The following RGS3 variants were observed in gnomAD, a reference collection of about 807,000 sequenced individuals.
RGS3 encodes the protein regulator of G-protein signalling 3.
RGS3 carries 80 observed loss-of-function variants against 132.6 expected under a neutral mutation model. That is an observed-to-expected ratio of 0.60 (90% CI 0.50 to 0.73). RGS3 has a LOEUF of 0.73. Ranked by LOEUF, RGS3 falls within the 30% of genes least tolerant of loss-of-function variation. RGS3 has a pLI of 0.00. For synonymous variants in RGS3, 598 were observed against 620.6 expected, an observed-to-expected ratio of 0.96 and a Z score of 0.54; for missense variants, 1,382 against 1,530.8, an observed-to-expected ratio of 0.90 and a Z score of 1.62.
At chr9:113,482,492 G>C (rs1830198120) in intron 4 of RGS3, among the ~76,000 whole-genome samples, 1 of 152,178 alleles carries the variant, frequency 6.6e-6, no homozygotes, top group Non-Finnish European at 1.5e-5. Context: ...TGTGACTCCT[G>C]TGCTGTGCTG....
chr9:113,461,567 C>A, intron 1 of RGS3: 1 of 816,708 alleles, frequency 1.2e-6, no homozygotes. Flanking sequence ...CAGGATCAGG[C>A]TGGCCTTGCA....
exon 3 of RGS3, chr9:113,462,117 G>C (rs1420882860): frequency 6.2e-7 from 1 of 1,614,158 alleles, no homozygotes; most frequent in Non-Finnish European, 8.5e-7. Flanking sequence ...GCTAAGCCCT[G>C]ATATCGCTCT....
intron 19 of RGS3, among the ~76,000 whole-genome samples, chr9:113,571,380 GC>G (rs1195477793): frequency 6.6e-6 from 1 of 152,194 alleles, no homozygotes; most frequent in Non-Finnish European, 1.5e-5. Flanking sequence ...ACATGAAAGA[GC>G]CTATTATTCC....
At chr9:113,482,858 C>T in intron 4 of RGS3, 1 of 1,381,032 alleles carries the variant, frequency 7.2e-7, no homozygotes, top group East Asian at 2.5e-5. Flanking sequence ...TGGCCTAGAC[C>T]AGAGCAGGTT....
Position 113,537,321 on chromosome 9 carries a change from G to A in RGS3, c.2037+403G>A, listed in dbSNP as rs1012755667. ...TGGCCCCAGGCGGATGCGATAGAGG[G>A]GATGTTTGCGGCAGAAGCTGTTGTA... On this transcript the variant is annotated intron_variant, in intron 19 of 24. Transcript: ENST00000350696. This position sits in a 1 kb window ranked among gnomAD's most constrained non-coding sequence, Gnocchi z 4.3. 2.6e-5 allele frequency among the ~76,000 whole-genome samples: 4 copies of A among 152,232 alleles called. No individual in the cohort carries two copies. The highest frequency in any genetic ancestry group is 4.1e-4 in the South Asian group (2 of 4,834).
At chr9:113,479,347 A>G (rs1830088772) in intron 3 of RGS3, 144 bp from the exon 2 acceptor site, 12 of 812,270 alleles carry the variant, frequency 1.5e-5, no homozygotes, top group Non-Finnish European at 1.7e-5. Context: ...GTGGCTTCTG[A>G]GGTCCCTGCC....
chr9:113,446,253 T>A (rs535471703), intron 1 of RGS3, among the ~76,000 whole-genome samples: 20 of 152,318 alleles, frequency 1.3e-4, no homozygotes, highest in Non-Finnish European at 2.2e-4. Flanking sequence ...CATTTGTCCT[T>A]GTATATATGC....
chr9:113,522,892 G>A (rs775890248), intron 16 of RGS3, 38 bp from the exon 15 acceptor site: 3 of 1,412,020 alleles, frequency 2.1e-6, no homozygotes, highest in Non-Finnish European at 2.0e-6. Flanking sequence ...CCAGAGGACA[G>A]CAAAGTAGCC....
At position 113,507,758 on chromosome 9, in the gene RGS3, G is replaced by C. The variant is rs1027276195; in HGVS notation, c.1437+120G>C. 5.0e-6 allele frequency: 4 copies of C among 796,578 alleles called. No individual in the cohort carries two copies. In the African/African-American group the frequency reaches 5.2e-5, roughly 10 times the overall value. 49.3% of individuals were successfully genotyped at this position (796,578 alleles called of 1,614,324 possible). On this transcript the variant is annotated intron_variant, in intron 13 of 24. Coordinates refer to ENST00000350696, the Ensembl canonical transcript of RGS3. The surrounding 1 kb of genome is among the most constrained non-coding windows in gnomAD (Gnocchi z 5.0). ...GTGAGGGGCTGCGATGTTGGGCAAG[G>C]AGATGGGGTATGTGCTAGCTCTGCC...
chr9:113,596,947 G>A (rs140776480), exon 25 of RGS3: 320 of 1,601,036 alleles, frequency 2.0e-4, no homozygotes, highest in Non-Finnish European at 2.4e-4. Flanking sequence ...TGAGTCCCCC[G>A]CTTTAGGGGC....
At chr9:113,497,884 A>G in intron 9 of RGS3, 141 bp from the exon 8 acceptor site, 1 of 735,128 alleles carries the variant, frequency 1.4e-6, no homozygotes, top group Non-Finnish European at 2.4e-6. Context: ...ATTGAGCCTC[A>G]GGTGTCCCCA....
At chr9:113,584,303 G>T (rs748210986) in exon 20 of RGS3, 1 of 1,607,542 alleles carries the variant, frequency 6.2e-7, no homozygotes, top group South Asian at 1.1e-5. Flanking sequence ...ACCTTGCACT[G>T]CTCAGACGGT....
At chr9:113,519,597 C>G (rs1163680987) in intron 16 of RGS3, among the ~76,000 whole-genome samples, 1 of 150,972 alleles carries the variant, frequency 6.6e-6, no homozygotes, top group Non-Finnish European at 1.5e-5. Context: ...GTCATCCATG[C>G]TAATTGCTTC....
intron 13 of RGS3, among the ~76,000 whole-genome samples, 183 bp from the exon 12 acceptor site, chr9:113,508,358 T>C (rs1831237635): frequency 6.6e-6 from 1 of 152,180 alleles, no homozygotes; most frequent in East Asian, 1.9e-4. Context: ...TCAACTTGAA[T>C]ATTCTGGGAT....
intron 19 of RGS3, among the ~76,000 whole-genome samples, chr9:113,549,856 C>T (rs1833258669): frequency 6.6e-6 from 1 of 152,166 alleles, no homozygotes; most frequent in Non-Finnish European, 1.5e-5. Context: ...AGGTTGCTTG[C>T]AATTTTTCTT....
At chr9:113,509,478 T>A (rs1178142209) in intron 14 of RGS3, among the ~76,000 whole-genome samples, 1 of 152,146 alleles carries the variant, frequency 6.6e-6, no homozygotes, top group Non-Finnish European at 1.5e-5. Context: ...TGCTGCTGGA[T>A]GGATTCTTCT....
exon 25 of RGS3, chr9:113,596,847 A>G (rs1158450052): frequency 1.2e-6 from 2 of 1,613,858 alleles, no homozygotes; most frequent in African/African-American, 1.3e-5. Context: ...GACCTGGCAC[A>G]GAAGCGCATC....
At chr9:113,566,959 G>A (rs2118856871) in intron 19 of RGS3, among the ~76,000 whole-genome samples, 2 of 152,358 alleles carry the variant, frequency 1.3e-5, no homozygotes, top group Middle Eastern at 3.4e-3. Flanking sequence ...CACATGGTGT[G>A]GCTTAGCCTA....
chr9:113,529,517 T>C (rs572428110), intron 18 of RGS3, among the ~76,000 whole-genome samples: 3 of 152,342 alleles, frequency 2.0e-5, no homozygotes, highest in African/African-American at 4.8e-5. Flanking sequence ...TGAGATTTTC[T>C]GTGCAGGACC....
Sources: allele counts gnomAD v4.1 joint callset (sites outside exome capture counted in the v4.1 genomes callset), GRCh38; gene constraint gnomAD v4.1.1; non-coding constraint Gnocchi (gnomAD v3.1); transcripts MANE v1.5; gene names NCBI Gene and HGNC (gene_info 2026-07-23, HGNC 2026-07-21).